ATRNL1: variants seen among roughly 807,000 people sequenced by gnomAD.
ATRNL1 encodes the protein attractin-like protein 1.
ATRNL1 carries 95 observed loss-of-function variants against 182.7 expected under a neutral mutation model. That is an observed-to-expected ratio of 0.52 (90% CI 0.44 to 0.62). The LOEUF is 0.62. Ranked by LOEUF, ATRNL1 falls within the 20% of genes least tolerant of loss-of-function variation. The pLI is 0.00. For missense variants in ATRNL1, 1,471 were observed against 1,679.5 expected (o/e 0.88, Z 2.17); for synonymous variants, 576 against 568.3 (o/e 1.01, Z -0.19).
In ATRNL1 at chr10:115,632,822, G is replaced by A. The variant is rs1259027899; in HGVS notation, c.3795+83286G>A. On this transcript the variant is annotated intron_variant, in intron 26 of 28. Coordinates refer to ENST00000355044, the MANE Select transcript of ATRNL1 (RefSeq NM_207303.4). ...TAATGTTATACTAACTTTAAAAAAT[G>A]AGTCAATATTATAAATACAAATTCT... 8.1e-5 allele frequency among the ~76,000 whole-genome samples: 12 copies of A among 148,526 alleles called. No individual in the cohort carries two copies. The Admixed American group carries it at 8.3e-4, about 10-fold the overall frequency.
intron 18 of ATRNL1, among the ~76,000 whole-genome samples, chr10:115,318,425 C>T (rs1423209558): frequency 6.6e-6 from 1 of 152,106 alleles, no homozygotes; most frequent in Non-Finnish European, 1.5e-5. Flanking sequence ...AGAGGAGTCT[C>T]TCCCTTTCAG....
chr10:115,467,938 ATTGT>A (rs1190474643), intron 23 of ATRNL1, among the ~76,000 whole-genome samples: 1 of 150,642 alleles, frequency 6.6e-6, no homozygotes, highest in Non-Finnish European at 1.5e-5. Context: ...TGTGCTGGAA[ATTGT>A]TTCTTTTTTA....
intron 25 of ATRNL1, among the ~76,000 whole-genome samples, chr10:115,546,144 A>T (rs1428510659): frequency 1.3e-5 from 2 of 152,158 alleles, no homozygotes; most frequent in African/African-American, 2.4e-5. Context: ...TTCAGCTTGG[A>T]CATGGTAGGT....
At chr10:115,232,495 A>G (rs1239091630) in intron 9 of ATRNL1, among the ~76,000 whole-genome samples, 1 of 152,166 alleles carries the variant, frequency 6.6e-6, no homozygotes, top group African/African-American at 2.4e-5. Context: ...TTTATCTCTC[A>G]GATTGTGGAT....
chr10:115,795,218 A>G (rs80310854), intron 27 of ATRNL1, among the ~76,000 whole-genome samples: 7,365 of 152,230 alleles, frequency 0.048, 519 homozygotes, highest in African/African-American at 0.16. Context: ...GCTGGAAAAC[A>G]TAGCTATGTA....
chr10:115,182,465 C>T (rs889441243), intron 8 of ATRNL1, among the ~76,000 whole-genome samples: 3 of 151,428 alleles, frequency 2.0e-5, no homozygotes, highest in Non-Finnish European at 3.0e-5. Flanking sequence ...AATACATACA[C>T]ACAGTAATTA....
At chr10:115,703,719 A>G (rs542787891) in intron 26 of ATRNL1, among the ~76,000 whole-genome samples, 36 of 151,928 alleles carry the variant, frequency 2.4e-4, no homozygotes, top group Non-Finnish European at 4.1e-4. Context: ...ATTTAAAAAT[A>G]TATTTAAAAC....
chr10:115,737,369 G>A (rs1010194095), intron 27 of ATRNL1, among the ~76,000 whole-genome samples: 10 of 151,122 alleles, frequency 6.6e-5, no homozygotes, highest in Non-Finnish European at 1.5e-4. Flanking sequence ...CCGGGAGTTC[G>A]AGGCTGCAGT....
intron 26 of ATRNL1, among the ~76,000 whole-genome samples, chr10:115,696,444 T>G (rs2133984282): frequency 6.6e-6 from 1 of 152,302 alleles, no homozygotes; most frequent in Middle Eastern, 3.4e-3. Context: ...CACTCCAGCC[T>G]GGTTAACAGA....
intron 13 of ATRNL1, among the ~76,000 whole-genome samples, chr10:115,279,897 A>G (rs750475743): frequency 6.6e-6 from 1 of 152,166 alleles, no homozygotes; most frequent in African/African-American, 2.4e-5. Context: ...TAAATCCTAT[A>G]CAGATAAAAA....
At chr10:115,657,086 A>G (rs781925376) in intron 26 of ATRNL1, among the ~76,000 whole-genome samples, 3 of 152,174 alleles carry the variant, frequency 2.0e-5, no homozygotes, top group Non-Finnish European at 4.4e-5. Flanking sequence ...ACTGAAACTC[A>G]GTTTCCAAGG....
At chr10:115,769,581 G>A (rs1048880505) in intron 27 of ATRNL1, among the ~76,000 whole-genome samples, 2 of 152,052 alleles carry the variant, frequency 1.3e-5, no homozygotes, top group African/African-American at 2.4e-5. Context: ...TTGTAGTAAC[G>A]GGCTATGCTG....
intron 21 of ATRNL1, among the ~76,000 whole-genome samples, chr10:115,447,328 T>G (rs1847050669): frequency 6.6e-6 from 1 of 151,820 alleles, no homozygotes. Flanking sequence ...GTTGATTTTT[T>G]TTGTGTCTTT....
intron 25 of ATRNL1, among the ~76,000 whole-genome samples, chr10:115,548,785 G>A (rs182221587): frequency 5.3e-5 from 8 of 152,052 alleles, no homozygotes; most frequent in African/African-American, 1.7e-4. Flanking sequence ...CTCAGCCTCG[G>A]TACTACTGAC....
intron 19 of ATRNL1, among the ~76,000 whole-genome samples, chr10:115,360,961 A>G (rs970399128): frequency 3.3e-5 from 5 of 151,888 alleles, no homozygotes; most frequent in East Asian, 1.9e-4. Flanking sequence ...ATTCTTACCA[A>G]CGTATCAGGA....
At chr10:115,669,430 A>C (rs1332530703) in intron 26 of ATRNL1, among the ~76,000 whole-genome samples, 2 of 152,120 alleles carry the variant, frequency 1.3e-5, no homozygotes, top group Non-Finnish European at 2.9e-5. Context: ...AGCTATAATA[A>C]ATTTTTATGA....
intron 26 of ATRNL1, among the ~76,000 whole-genome samples, chr10:115,715,557 ATTGACCTG>A (rs1565312573): frequency 6.6e-6 from 1 of 152,212 alleles, no homozygotes; most frequent in African/African-American, 2.4e-5. Context: ...CCCAAAGGGC[ATTGACCTG>A]TTCAGGGGAT....
intron 5 of ATRNL1, among the ~76,000 whole-genome samples, chr10:115,133,874 G>C (rs1554875880): frequency 6.6e-6 from 1 of 152,084 alleles, no homozygotes; most frequent in Non-Finnish European, 1.5e-5. Context: ...AATCAAACTA[G>C]AACTCAGGAT....
intron 26 of ATRNL1, among the ~76,000 whole-genome samples, chr10:115,725,438 A>G (rs1250539176): frequency 6.6e-6 from 1 of 152,162 alleles, no homozygotes; most frequent in African/African-American, 2.4e-5. Flanking sequence ...TAGACCTTAT[A>G]CTTTTAGATA....
Sources: gnomAD v4.1 joint callset for allele counts (sites outside exome capture counted in the v4.1 genomes callset) on GRCh38, gnomAD v4.1.1 for gene constraint, MANE v1.5 for transcripts, NCBI Gene and HGNC (gene_info 2026-07-23, HGNC 2026-07-21) for gene names.